The following SIPA1L1 variants were observed in gnomAD, a reference collection of about 807,000 sequenced individuals.
The protein encoded by SIPA1L1 is signal-induced proliferation-associated 1-like protein 1.
A neutral mutation model predicts 162.7 loss-of-function variants in SIPA1L1; 26 were observed. That is an observed-to-expected ratio of 0.16 (90% CI 0.12 to 0.22). The LOEUF is 0.22. Ranked by LOEUF, SIPA1L1 falls within the 10% of genes least tolerant of loss-of-function variation. SIPA1L1 has a pLI of 1.00. For missense variants in SIPA1L1, 1,874 were observed against 2,241.0 expected (o/e 0.84, Z 3.31); for synonymous variants, 829 against 837.4 (o/e 0.99, Z 0.17).
chr14:71,324,926 C>G (rs1441143056), intron 2 of SIPA1L1, among the ~76,000 whole-genome samples: 1 of 152,044 alleles, frequency 6.6e-6, no homozygotes, highest in East Asian at 1.9e-4. Context: ...TAGGAGCTTC[C>G]TGTTGAAAAT....
At chr14:71,724,603 A>G in intron 18 of SIPA1L1, 67 bp from the exon 19 acceptor site, 2 of 1,281,830 alleles carry the variant, frequency 1.6e-6, no homozygotes, top group Non-Finnish European at 2.2e-6. Context: ...CATCCTTTAG[A>G]GCCCATCATG....
chr14:71,407,443 C>G (rs773401375), intron 2 of SIPA1L1, among the ~76,000 whole-genome samples: 12 of 149,740 alleles, frequency 8.0e-5, no homozygotes, highest in Non-Finnish European at 1.5e-4. Context: ...TCCTTCCCCT[C>G]CCTTTCTTCT....
intron 3 of SIPA1L1, among the ~76,000 whole-genome samples, chr14:71,523,505 G>C (rs1224761859): frequency 6.6e-6 from 1 of 151,710 alleles, no homozygotes; most frequent in African/African-American, 2.4e-5. Flanking sequence ...AATTAACCTT[G>C]ATAGAATACT....
chr14:71,723,014 G>C (rs772949457), intron 17 of SIPA1L1, among the ~76,000 whole-genome samples: 1 of 152,244 alleles, frequency 6.6e-6, no homozygotes, highest in Non-Finnish European at 1.5e-5. Flanking sequence ...GGGATTACAG[G>C]CGTAAGCCAC....
rs746191755 is a variant in SIPA1L1, at chr14:71,658,316, AT to A, written c.1994-9del. The A allele has an allele frequency of 1.2e-3, 1,531 of 1,271,578 alleles. No homozygotes were observed. The highest frequency in any genetic ancestry group is 1.4e-3 in the Non-Finnish European group (1,261 of 875,420). The allele number at this position is 1,271,578 out of a possible 1,614,324, so 78.8% of individuals were successfully genotyped here. ...CCTGTTATAGTCATCTCATCATTAT[AT>A]TTTTTTTAACTGTAGCTGACTCCAC... On this transcript the variant is annotated splice_polypyrimidine_tract_variant and intron_variant, in intron 8 of 23. Coordinates refer to ENST00000381232, the MANE Select transcript of SIPA1L1 (RefSeq NM_001386936.1).
chr14:71,349,112 A>G (rs1415719498), intron 2 of SIPA1L1, among the ~76,000 whole-genome samples: 8 of 152,260 alleles, frequency 5.3e-5, no homozygotes, highest in Non-Finnish European at 1.0e-4. Flanking sequence ...GGGAGCTTTC[A>G]GAAATGAAGA....
chr14:71,370,784 G>A (rs2038815440), intron 2 of SIPA1L1, among the ~76,000 whole-genome samples: 4 of 152,132 alleles, frequency 2.6e-5, no homozygotes, highest in Non-Finnish European at 2.9e-5. Context: ...ATGCTCAACA[G>A]TCGCCCAGGA....
chr14:71,446,894 GTT>G (rs765106790), intron 2 of SIPA1L1, among the ~76,000 whole-genome samples: 1 of 87,406 alleles, frequency 1.1e-5, no homozygotes, highest in South Asian at 4.0e-4. Context: ...GATGGGCTCT[GTT>G]TTTTTTTTTG....
chr14:71,694,491 A>G (rs2081481663), intron 13 of SIPA1L1, among the ~76,000 whole-genome samples: 1 of 151,968 alleles, frequency 6.6e-6, no homozygotes. Flanking sequence ...TCTTAGTACA[A>G]TAAAAAAAAA....
chr14:71,457,600 A>G (rs1266720240), intron 2 of SIPA1L1, among the ~76,000 whole-genome samples: 1 of 135,878 alleles, frequency 7.4e-6, no homozygotes, highest in African/African-American at 2.7e-5. Flanking sequence ...CCCAGCCGAC[A>G]TTTTTTTTTT....
rs371842505 is a variant in SIPA1L1 at position 71,467,326 on chromosome 14, T to A, written c.-464-45417T>A. 38 of 152,354 alleles carry A rather than the reference T, an allele frequency of 2.5e-4. 1 individual carries two copies. In the South Asian group the frequency reaches 7.9e-3, roughly 32 times the overall value. The allele number at this position is 152,354 out of a possible 1,614,324, so 9.4% of individuals were successfully genotyped here. On this transcript the variant is annotated intron_variant, in intron 2 of 23. Transcript: ENST00000381232. ...TTGCCTATCTATTTATACATTAATA[T>A]GTTTAAAAAGAAATTTCTCCAAGAA...
rs1350310312 is a variant in SIPA1L1 at position 71,583,568 on chromosome 14, ATCT to A, written c.-302-3995_-302-3993del. 3.9e-5 allele frequency among the ~76,000 whole-genome samples: 6 copies of A among 151,960 alleles called. No individual in the cohort carries two copies. In the South Asian group the frequency reaches 6.2e-4, roughly 16 times the overall value. ...TCCCCCAACCCCACCCCCTTCCCAC[ATCT>A]TCTTCTTGTAACCTTTAAACTGCTC... On this transcript the variant is annotated intron_variant, in intron 4 of 23. Coordinates refer to ENST00000381232, the MANE Select transcript of SIPA1L1 (RefSeq NM_001386936.1).
Position 71,705,289 on chromosome 14 carries a change from A to G in SIPA1L1, c.3714A>G (p.Arg1238=), listed in dbSNP as rs569800519. 37 of 1,614,190 alleles carry G rather than the reference A, an allele frequency of 2.3e-5. No homozygotes were observed. In the South Asian group the frequency reaches 4.1e-4, roughly 18 times the overall value. The part of the protein sequence containing the change: ...LPAFRESPSG[R]LMRQDPVVHL... ...CTTTCCGAGAGAGCCCCAGTGGGAG[A>G]TTAATGCGGCAGGATCCAGTGGTTC... Residue 1238 remains arginine (R), a synonymous_variant, in exon 16 of 24, where the codon AGA becomes AGG. Coordinates refer to ENST00000381232, the MANE Select transcript of SIPA1L1 (RefSeq NM_001386936.1).
chr14:71,697,723 C>A (rs1018545915), intron 13 of SIPA1L1, among the ~76,000 whole-genome samples: 1 of 152,140 alleles, frequency 6.6e-6, no homozygotes, highest in Non-Finnish European at 1.5e-5. Context: ...TATCCTTATT[C>A]TTTCTCTATT....
At chr14:71,387,511 C>T (rs2040431872) in intron 2 of SIPA1L1, among the ~76,000 whole-genome samples, 1 of 152,116 alleles carries the variant, frequency 6.6e-6, no homozygotes, top group Non-Finnish European at 1.5e-5. Flanking sequence ...ATTCAGTAAT[C>T]AAAGACATCA....
intron 4 of SIPA1L1, among the ~76,000 whole-genome samples, chr14:71,585,051 T>TTTTG (rs2034410881): frequency 6.6e-6 from 1 of 151,196 alleles, no homozygotes; most frequent in Admixed American, 6.6e-5. Context: ...GTTTAATAAG[T>TTTTG]GCAAAGCATG....
intron 2 of SIPA1L1, among the ~76,000 whole-genome samples, chr14:71,477,696 T>A (rs193148353): frequency 8.5e-5 from 13 of 152,316 alleles, no homozygotes; most frequent in Non-Finnish European, 5.9e-5. Context: ...TGGTTCCTTT[T>A]AATAGCTGAG....
intron 2 of SIPA1L1, among the ~76,000 whole-genome samples, chr14:71,373,502 G>A (rs967334116): frequency 1.3e-5 from 2 of 151,094 alleles, no homozygotes; most frequent in African/African-American, 4.9e-5. Flanking sequence ...GCTGGCGCCT[G>A]TAATCCCAGC....
At chr14:71,324,276 A>T (rs1189760410) in intron 2 of SIPA1L1, among the ~76,000 whole-genome samples, 1 of 152,226 alleles carries the variant, frequency 6.6e-6, no homozygotes. Flanking sequence ...CATTTTACGT[A>T]TGAGGAAACT....
Sources: gnomAD v4.1 joint callset for allele counts (sites outside exome capture counted in the v4.1 genomes callset) on GRCh38, gnomAD v4.1.1 for gene constraint, MANE v1.5 for transcripts, NCBI Gene and HGNC (gene_info 2026-07-23, HGNC 2026-07-21) for gene names.